The following GMCL1 variants were observed in gnomAD, a reference collection of about 807,000 sequenced individuals.
The protein encoded by GMCL1 is germ cell-less 1, spermatogenesis associated.
Under a neutral mutation model 75.5 loss-of-function variants are expected in GMCL1, and 54 were observed. The observed-to-expected ratio is 0.71, with a 90% CI of 0.57 to 0.90. GMCL1 has a LOEUF of 0.90. Among genes scored for constraint, GMCL1 ranks in the 40% least tolerant of loss-of-function variants. The probability of loss-of-function intolerance (pLI) is 0.00; values close to 1 mark genes in which losing one functional copy is unlikely to be tolerated. For synonymous variants in GMCL1, 210 were observed against 209.6 expected, an observed-to-expected ratio of 1.00 and a Z score of -0.02; for missense variants, 537 against 622.7, an observed-to-expected ratio of 0.86 and a Z score of 1.47.
intron 13 of GMCL1, among the ~76,000 whole-genome samples, chr2:69,874,314 A>G (rs910269465): frequency 1.1e-4 from 16 of 152,166 alleles, no homozygotes; most frequent in South Asian, 4.1e-4. Flanking sequence ...TTTCATCTCT[A>G]TCCCAGCGTA....
At chr2:69,852,670 C>G (rs534587938) in intron 8 of GMCL1, among the ~76,000 whole-genome samples, 1 of 152,038 alleles carries the variant, frequency 6.6e-6, no homozygotes, top group African/African-American at 2.4e-5. Flanking sequence ...TCCCGAGTAG[C>G]TGGGACTACA....
chr2:69,871,910 T>A, intron 13 of GMCL1, 78 bp downstream of exon 13: 1 of 950,596 alleles, frequency 1.1e-6, no homozygotes, highest in Non-Finnish European at 1.6e-6. Context: ...TAAGTAGAAT[T>A]AACATTAAAG....
chr2:69,866,600 A>G (rs762979692), intron 11 of GMCL1, among the ~76,000 whole-genome samples: 6 of 152,126 alleles, frequency 3.9e-5, no homozygotes, highest in Non-Finnish European at 7.4e-5. Context: ...CTGAGACTAC[A>G]GACACGTGTC....
chr2:69,856,752 C>T (rs1487596805), intron 9 of GMCL1, among the ~76,000 whole-genome samples: 1 of 149,902 alleles, frequency 6.7e-6, no homozygotes, highest in Admixed American at 6.7e-5. Context: ...AGACCACCGT[C>T]CTAGCCCCCT....
At chr2:69,867,465 C>T (rs554455034) in intron 11 of GMCL1, among the ~76,000 whole-genome samples, 1 of 152,288 alleles carries the variant, frequency 6.6e-6, no homozygotes, top group South Asian at 2.1e-4. Flanking sequence ...CTTTCTAGCT[C>T]ATTCTCTCTA....
chr2:69,852,802 G>A (rs1463595560), intron 8 of GMCL1, among the ~76,000 whole-genome samples: 1 of 152,092 alleles, frequency 6.6e-6, no homozygotes, highest in African/African-American at 2.4e-5. Context: ...GCCTCCCAAT[G>A]TGCTAGGATT....
intron 1 of GMCL1, among the ~76,000 whole-genome samples, chr2:69,831,912 G>A (rs549644998): frequency 6.6e-6 from 1 of 152,240 alleles, no homozygotes; most frequent in Non-Finnish European, 1.5e-5. Flanking sequence ...CCAACCTATA[G>A]CATAGTTTTA....
At chr2:69,870,721 C>A (rs2104049012) in intron 12 of GMCL1, among the ~76,000 whole-genome samples, 1 of 152,216 alleles carries the variant, frequency 6.6e-6, no homozygotes, top group South Asian at 2.1e-4. Flanking sequence ...AAACATTTCT[C>A]CAAAGAAGAT....
intron 8 of GMCL1, among the ~76,000 whole-genome samples, chr2:69,853,559 G>A (rs1161265386): frequency 2.0e-5 from 3 of 152,118 alleles, no homozygotes; most frequent in Non-Finnish European, 4.4e-5. Context: ...CAACTGTCAT[G>A]TTTTTCTCCT....
intron 8 of GMCL1, among the ~76,000 whole-genome samples, chr2:69,851,659 A>T: frequency 6.6e-6 from 1 of 151,990 alleles, no homozygotes; most frequent in Non-Finnish European, 1.5e-5. Context: ...CTGTATTCCC[A>T]GCTACTGGGG....
chr2:69,833,547 C>T (rs1017525361), intron 1 of GMCL1, among the ~76,000 whole-genome samples: 10 of 152,310 alleles, frequency 6.6e-5, no homozygotes, highest in African/African-American at 1.9e-4. Flanking sequence ...ACTCAGGAGG[C>T]GGAGGTTGTA....
intron 4 of GMCL1, 85 bp from the exon 5 acceptor site, chr2:69,843,064 C>G: frequency 1.9e-4 from 49 of 252,950 alleles, no homozygotes; most frequent in East Asian, 3.9e-4. Flanking sequence ...TTTTTTTTTT[C>G]TTTTACTTTT....
At chr2:69,854,637 G>C (rs1290555026) in intron 8 of GMCL1, among the ~76,000 whole-genome samples, 186 bp from the exon 9 acceptor site, 1 of 152,096 alleles carries the variant, frequency 6.6e-6, no homozygotes, top group Non-Finnish European at 1.5e-5. Context: ...AATTTCCTGG[G>C]ATTTTAAAAT....
intron 3 of GMCL1, among the ~76,000 whole-genome samples, chr2:69,840,703 G>A (rs1286973455): frequency 6.6e-6 from 1 of 152,184 alleles, no homozygotes; most frequent in Non-Finnish European, 1.5e-5. Context: ...TTACATGTTA[G>A]AAGAATGCAG....
chr2:69,876,927 G>A (rs993498799), intron 13 of GMCL1, among the ~76,000 whole-genome samples: 7 of 152,174 alleles, frequency 4.6e-5, no homozygotes, highest in African/African-American at 1.4e-4. Flanking sequence ...GGCTGAGGCT[G>A]CAATGAGCCA....
rs771700234 is a variant in GMCL1, at chr2:69,830,026, A to G, written c.134A>G (p.Tyr45Cys). ...GATGCGGCGGGCCACGGATTCTGTT[A>G]CTGTGCGGGCAGCCACAAGCGCAAG... is the stretch of plus-strand genomic sequence containing the variant. ...GDDAAGHGFCYCAGSHKRKRS... is the reference protein window; with the variant it reads ...GDDAAGHGFCCCAGSHKRKRS... The change falls in exon 1 of 14, where the codon TAC becomes TGC. Residue 45 changes from tyrosine (Y) to cysteine (C), a missense_variant. This residue lies in a region of GMCL1 where 144 missense variants were observed against 127.2 expected (regional missense o/e 1.13). Transcript: ENST00000282570. 47 of 1,563,762 alleles carry G rather than the reference A, an allele frequency of 3.0e-5. No homozygotes were observed. The highest frequency in any genetic ancestry group is 3.7e-5 in the Non-Finnish European group (43 of 1,154,150).
Position 69,871,806 on chromosome 2 carries a change from C to A in GMCL1, c.1426C>A (p.Gln476Lys). 2 of 1,588,882 alleles carry A rather than the reference C, an allele frequency of 1.3e-6. No homozygotes were observed. The highest frequency in any genetic ancestry group is 1.1e-5 in the South Asian group (1 of 87,572). ...KLICSRTTGY[Q>K]ILTLEKDQEQ... Reference sequence around the variant, plus strand: ...AATATGTAGTAGAACAACTGGCTATCAAATACTTACACTTGAAAAGGATCA... The same window carrying A: ...AATATGTAGTAGAACAACTGGCTATAAAATACTTACACTTGAAAAGGATCA... Residue 476 changes from glutamine to lysine, a missense_variant, in exon 13 of 14, where the codon CAA becomes AAA. Coordinates refer to ENST00000282570, the MANE Select transcript of GMCL1 (RefSeq NM_178439.5).
In GMCL1 at chr2:69,841,042, A is replaced by G; in HGVS notation, c.579+3A>G. ...CAGCAGCTTGTTTGCTGCAGTTGGT[A>G]AGTATGCACGTTATTCGAAGAAAGG... On this transcript the variant is annotated splice_donor_region_variant and intron_variant, in intron 4 of 13. Transcript: ENST00000282570. 1 of 1,604,930 alleles carries G rather than the reference A, an allele frequency of 6.2e-7. No individual in the cohort carries two copies. Among genetic ancestry groups the G allele is most frequent in the Non-Finnish European group, 8.5e-7 (1 of 1,171,638 alleles).
At chr2:69,831,413 A>ATTGT (rs1323606891) in intron 1 of GMCL1, among the ~76,000 whole-genome samples, 1 of 152,002 alleles carries the variant, frequency 6.6e-6, no homozygotes, top group African/African-American at 2.4e-5. Flanking sequence ...AACTTTTTTA[A>ATTGT]TTGTTTGTTT....
Sources: gnomAD v4.1 joint callset for allele counts (sites outside exome capture counted in the v4.1 genomes callset) on GRCh38, gnomAD v4.1.1 for gene constraint, gnomAD v4.1.1 regional missense constraint, MANE v1.5 for transcripts, NCBI Gene and HGNC (gene_info 2026-07-23, HGNC 2026-07-21) for gene names.